The following PLEKHA7 variants were observed in gnomAD, a reference collection of about 807,000 sequenced individuals.
PLEKHA7 encodes pleckstrin homology domain-containing family A member 7.
A neutral mutation model predicts 170.0 loss-of-function variants in PLEKHA7; 104 were observed. That is an observed-to-expected ratio of 0.61 (90% CI 0.52 to 0.72). PLEKHA7 has a LOEUF of 0.72. Among genes scored for constraint, PLEKHA7 ranks in the 30% least tolerant of loss-of-function variants. PLEKHA7 has a pLI of 0.00. For missense variants in PLEKHA7, 1,615 were observed against 1,671.7 expected (o/e 0.97, Z 0.59); for synonymous variants, 648 against 660.8 (o/e 0.98, Z 0.30).
At chr11:16,872,863 T>TA (rs771789267) in intron 3 of PLEKHA7, among the ~76,000 whole-genome samples, 23 of 152,272 alleles carry the variant, frequency 1.5e-4, no homozygotes, top group Admixed American at 1.2e-3. Flanking sequence ...ACCCATGTGC[T>TA]AGGCACTCCT....
At chr11:16,993,878 A>C (rs1381313839) in intron 3 of PLEKHA7, among the ~76,000 whole-genome samples, 3 of 152,216 alleles carry the variant, frequency 2.0e-5, no homozygotes, top group Non-Finnish European at 4.4e-5. Flanking sequence ...CCTCTTGCCT[A>C]CTGTGTCTGG....
At chr11:16,997,961 G>A (rs575741120) in intron 3 of PLEKHA7, among the ~76,000 whole-genome samples, 6 of 152,306 alleles carry the variant, frequency 3.9e-5, no homozygotes, top group African/African-American at 1.2e-4. Flanking sequence ...GAGAGACTAT[G>A]AGAACCCCAG....
At chr11:16,981,578 C>T (rs557415659) in intron 3 of PLEKHA7, among the ~76,000 whole-genome samples, 128 of 152,270 alleles carry the variant, frequency 8.4e-4, no homozygotes, top group Non-Finnish European at 1.4e-3. Context: ...CCAGTGCAAA[C>T]CATGCCCTGG....
intron 3 of PLEKHA7, among the ~76,000 whole-genome samples, chr11:16,906,916 G>T (rs1857780272): frequency 6.8e-6 from 1 of 146,270 alleles, no homozygotes; most frequent in Admixed American, 6.7e-5. Flanking sequence ...TCTGAGATGT[G>T]GGGAGCGCCT....
At chr11:16,787,877 G>A (rs1164760737) in intron 23 of PLEKHA7, 2 of 152,186 alleles carry the variant, frequency 1.3e-5, no homozygotes, top group Non-Finnish European at 2.9e-5. Context: ...AATGTCCTGG[G>A]CCTTACCCCT....
At chr11:16,790,480 A>G (rs1460727907) in intron 21 of PLEKHA7, 1 of 256,054 alleles carries the variant, frequency 3.9e-6, no homozygotes, top group Non-Finnish European at 7.5e-6. Context: ...GTGTCTCTAA[A>G]ATGGGGATGA....
In PLEKHA7 at chr11:16,826,603, C is replaced by A; in HGVS notation, c.873-13G>T. 1 of 1,601,706 alleles carries A rather than the reference C, an allele frequency of 6.2e-7. No homozygotes were observed. The highest frequency in any genetic ancestry group is 1.7e-5 in the Admixed American group (1 of 59,778). On this transcript the variant is annotated splice_polypyrimidine_tract_variant and intron_variant, in intron 9 of 26. Transcript: ENST00000531066. ...CTTCTCCATATCCCTGCAATGACAG[C>A]AGCACATTCAGTTTGCTCCACAGCC...
rs746927592 is a variant in PLEKHA7 at position 16,783,828 on chromosome 11, G to A, written c.3522C>T (p.Ser1174=). 5 of 1,482,706 alleles carry A rather than the reference G, an allele frequency of 3.4e-6. No homozygotes were observed. The South Asian group carries it at 5.3e-5, about 16-fold the overall frequency. 91.8% of individuals were successfully genotyped at this position (1,482,706 alleles called of 1,614,324 possible). The change falls in exon 25 of 27, where the codon TCC becomes TCT. Residue 1174 remains serine, a synonymous_variant. Transcript: ENST00000531066. The part of the protein sequence containing the change: ...DYDLDISREL[S]KPEKVSIPER... ...CAGGGATTGACACCTTCTCTGGTTT[G>A]GACAGCTGGGGAGAGGCCAGGAGGT...
At chr11:16,939,864 G>A (rs1256197069) in intron 3 of PLEKHA7, among the ~76,000 whole-genome samples, 1 of 152,150 alleles carries the variant, frequency 6.6e-6, no homozygotes, top group Non-Finnish European at 1.5e-5. Context: ...AATGTGTGTG[G>A]GGTGAAGGGA....
At chr11:16,787,142 T>C in intron 23 of PLEKHA7, 1 of 985,448 alleles carries the variant, frequency 1.0e-6, no homozygotes, top group Non-Finnish European at 1.2e-6. Flanking sequence ...TCCAGCTCCG[T>C]GGTGACTTCC....
At chr11:16,948,797 T>TC (rs920972526) in intron 3 of PLEKHA7, among the ~76,000 whole-genome samples, 1 of 152,184 alleles carries the variant, frequency 6.6e-6, no homozygotes, top group African/African-American at 2.4e-5. Flanking sequence ...CAGAACTTGA[T>TC]CATGAGCTCC....
intron 3 of PLEKHA7, among the ~76,000 whole-genome samples, chr11:16,957,689 A>ATTTTTTTCTTTTTTTTTTCTTT (rs1392019980): frequency 8.5e-6 from 1 of 118,226 alleles, no homozygotes; most frequent in African/African-American, 3.3e-5. Flanking sequence ...TACCTCAATA[A>ATTTTTTTCTTTTTTTTTTCTTT]TTTTTTTCTT....
At chr11:16,780,941 CT>C (rs1472827504) in intron 26 of PLEKHA7, 2 of 976,204 alleles carry the variant, frequency 2.0e-6, no homozygotes, top group African/African-American at 3.5e-5. Flanking sequence ...GGGGCTCTTA[CT>C]TGGAAGGTGT....
At chr11:16,917,697 C>T (rs1858792621) in intron 3 of PLEKHA7, among the ~76,000 whole-genome samples, 2 of 152,190 alleles carry the variant, frequency 1.3e-5, no homozygotes, top group Admixed American at 6.5e-5. Context: ...TCATCATATC[C>T]GAAAGTCCCT....
At chr11:16,870,099 A>G (rs1419520027) in intron 4 of PLEKHA7, among the ~76,000 whole-genome samples, 1 of 152,182 alleles carries the variant, frequency 6.6e-6, no homozygotes, top group Non-Finnish European at 1.5e-5. Flanking sequence ...TGGGTGGTAG[A>G]GCCCACCTGA....
At position 17,014,034 on chromosome 11, in the gene PLEKHA7, C is replaced by T. The variant is rs1178573985; in HGVS notation, c.176G>A (p.Gly59Asp). ...CTCCTCCGTGAAGCCCTCCTCCCAG[C>T]CGCGGGGCAGGTCTGCGGAAACGCC... ...GHMIRSDLPR[G>D]WEEGFTEEGA... Residue 59 changes from glycine (G) to aspartate (D), a missense_variant, in exon 3 of 27, where the codon GGC (glycine) becomes GAC (aspartate). By Grantham distance (94) the Gly-to-Asp change is moderately conservative. Coordinates refer to ENST00000531066, the MANE Select transcript of PLEKHA7 (RefSeq NM_001329630.2). 1.3e-6 allele frequency: 2 copies of T among 1,557,870 alleles called. No homozygotes were observed. The highest frequency in any genetic ancestry group is 1.7e-6 in the Non-Finnish European group (2 of 1,151,706).
At chr11:16,961,694 T>G (rs926451221) in intron 3 of PLEKHA7, among the ~76,000 whole-genome samples, 12 of 152,116 alleles carry the variant, frequency 7.9e-5, no homozygotes, top group African/African-American at 2.9e-4. Context: ...GGGCCCGGTG[T>G]GTGGAAGGTC....
At chr11:16,786,535 G>A in intron 23 of PLEKHA7, 148 bp from the exon 24 acceptor site, 1 of 1,460,396 alleles carries the variant, frequency 6.8e-7, no homozygotes, top group Admixed American at 2.4e-5. Flanking sequence ...TGAAGCTGCT[G>A]TCCCCTTCAT....
intron 13 of PLEKHA7, chr11:16,807,089 C>T (rs1199589701): frequency 1.9e-5 from 17 of 872,580 alleles, no homozygotes; most frequent in Admixed American, 1.2e-4. Flanking sequence ...AAGTCGGCAC[C>T]GAGCCAGAAG....
Sources: gnomAD v4.1 joint callset for allele counts (sites outside exome capture counted in the v4.1 genomes callset) on GRCh38, gnomAD v4.1.1 for gene constraint, MANE v1.5 for transcripts, NCBI Gene and HGNC (gene_info 2026-07-23, HGNC 2026-07-21) for gene names.